The following ITGAL variants were observed in gnomAD, a reference collection of about 807,000 sequenced individuals.
ITGAL encodes integrin subunit alpha L.
A neutral mutation model predicts 138.4 loss-of-function variants in ITGAL; 68 were observed. That is an observed-to-expected ratio of 0.49 (90% CI 0.40 to 0.60). ITGAL has a LOEUF of 0.60. Among genes scored for constraint, ITGAL ranks in the 20% least tolerant of loss-of-function variants. The pLI, the probability that ITGAL is intolerant of heterozygous loss-of-function variation, is 0.00. For synonymous variants in ITGAL, 561 were observed against 584.3 expected (o/e 0.96, Z 0.57); for missense variants, 1,256 against 1,478.6 (o/e 0.85, Z 2.47).
In ITGAL at chr16:30,515,944, C is replaced by T. The variant is rs543961308; in HGVS notation, c.2863-1029C>T. ...CTGTGATCGTGCCATCGCACTCCAG[C>T]CTGGGTGACAGAGTGATATTCTGTC... On this transcript the variant is annotated intron_variant, in intron 25 of 30. Coordinates refer to ENST00000356798, the MANE Select transcript of ITGAL (RefSeq NM_002209.3). Among the ~76,000 whole-genome samples the T allele has an allele frequency of 9.2e-5, 14 of 151,608 alleles. No individual in the cohort carries two copies. The South Asian group carries it at 2.9e-3, about 32-fold the overall frequency.
chr16:30,519,184 T>C (rs1010321668), intron 29 of ITGAL, among the ~76,000 whole-genome samples: 9 of 151,874 alleles, frequency 5.9e-5, no homozygotes, highest in Admixed American at 5.3e-4. Flanking sequence ...GATCCCACCA[T>C]TGCACTCCAA....
rs2050851608 is a variant in ITGAL at position 30,499,401 on chromosome 16, G to T, written c.2057G>T (p.Gly686Val). Residue 686 changes from glycine (G) to valine (V), a missense_variant, in exon 17 of 31, where the codon GGG (glycine) becomes GTG (valine). Physicochemically the swap from Gly to Val is moderately radical, Grantham distance 109 (BLOSUM62 -3). Coordinates refer to ENST00000356798, the MANE Select transcript of ITGAL (RefSeq NM_002209.3). ...GATGGCCACCGGACCAGAAGACGGG[G>T]GTTGTTCCCAGGAGGGAGACATGAA... The part of the protein sequence containing the change: ...QLDGHRTRRR[G>V]LFPGGRHELR... 1.9e-6 allele frequency: 3 copies of T among 1,614,086 alleles called. No homozygotes were observed. The highest frequency in any genetic ancestry group is 1.3e-5 in the African/African-American group (1 of 75,036).
chr16:30,487,550 C>T (rs1248828477), intron 9 of ITGAL, among the ~76,000 whole-genome samples: 3 of 151,850 alleles, frequency 2.0e-5, no homozygotes, highest in Non-Finnish European at 4.4e-5. Context: ...GCTAGTAGTA[C>T]AGGCGCCTGC....
In ITGAL at chr16:30,518,686, C is replaced by T; in HGVS notation, c.3195C>T (p.Phe1065=). ...LSISFNSSKH[F]HLYGSNASLA... Reference sequence around the variant, plus strand: ...TCTCCTTCAACAGCAGCAAGCATTTCCACCTCTATGGCAGCAACGCCTCCC... The same window carrying T: ...TCTCCTTCAACAGCAGCAAGCATTTTCACCTCTATGGCAGCAACGCCTCCC... The change falls in exon 29 of 31, where the codon TTC becomes TTT. Residue 1065 remains phenylalanine, a synonymous_variant. Transcript: ENST00000356798. 1 of 1,614,004 alleles carries T rather than the reference C, an allele frequency of 6.2e-7. No homozygotes were observed. Among genetic ancestry groups the T allele is most frequent in the Non-Finnish European group, 8.5e-7 (1 of 1,179,892 alleles).
At chr16:30,513,867 G>A (rs1165451760) in intron 25 of ITGAL, 21 bp downstream of exon 25, 3 of 1,529,218 alleles carry the variant, frequency 2.0e-6, no homozygotes, top group African/African-American at 1.4e-5. Flanking sequence ...CAATGTGGAA[G>A]GTCCTTATAG....
chr16:30,519,374 C>A (rs1484358301), intron 29 of ITGAL, among the ~76,000 whole-genome samples: 1 of 151,326 alleles, frequency 6.6e-6, no homozygotes, highest in Non-Finnish European at 1.5e-5. Context: ...CACAGTGAGA[C>A]CTTATCTCAA....
intron 9 of ITGAL, among the ~76,000 whole-genome samples, chr16:30,484,874 T>G (rs1443060735): frequency 3.3e-5 from 5 of 149,978 alleles, no homozygotes; most frequent in Non-Finnish European, 5.9e-5. Context: ...AGCTGAGATG[T>G]GCCATTGCAC....
chr16:30,506,122 T>A (rs1396033707), intron 20 of ITGAL, among the ~76,000 whole-genome samples: 2 of 151,192 alleles, frequency 1.3e-5, no homozygotes, highest in Non-Finnish European at 2.9e-5. Context: ...TAGCCAGGCA[T>A]GGTGGCACGT....
chr16:30,483,676 G>A, intron 7 of ITGAL, 151 bp from the exon 8 acceptor site: 1 of 766,792 alleles, frequency 1.3e-6, no homozygotes, highest in Admixed American at 2.8e-5. Context: ...GAGGTTTAGA[G>A]GTGACTGCTG....
chr16:30,509,381 T>C (rs2051055077), intron 21 of ITGAL: 1 of 152,126 alleles, frequency 6.6e-6, no homozygotes, highest in South Asian at 2.1e-4. Flanking sequence ...TGAAGATGAA[T>C]GGTTTAATAA....
intron 29 of ITGAL, 130 bp from the exon 30 acceptor site, chr16:30,519,727 G>A: frequency 2.8e-6 from 2 of 706,878 alleles, no homozygotes; most frequent in East Asian, 5.0e-5. Flanking sequence ...AAAGGGAGAG[G>A]GTCTGCAGCT....
Position 30,499,460 on chromosome 16 carries a change from T to G in ITGAL, c.2116T>G (p.Ser706Ala). Residue 706 changes from serine (S) to alanine (A), a missense_variant, in exon 17 of 31, where the codon TCA becomes GCA. Coordinates refer to ENST00000356798, the MANE Select transcript of ITGAL (RefSeq NM_002209.3). Reference sequence around the variant, plus strand: ...GAATATAGCTGTCACCACCAGCATGTCATGCACTGACTTCTCATTTCATTT... The same window carrying G: ...GAATATAGCTGTCACCACCAGCATGGCATGCACTGACTTCTCATTTCATTT... Reference protein sequence around the residue: ...RRNIAVTTSMSCTDFSFHFPV... With the variant: ...RRNIAVTTSMACTDFSFHFPV... 6.2e-7 allele frequency: 1 copy of G among 1,613,866 alleles called. No individual in the cohort carries two copies. Among genetic ancestry groups the G allele is most frequent in the Non-Finnish European group, 8.5e-7 (1 of 1,179,998 alleles).
chr16:30,482,607 T>C (rs1004305975), intron 7 of ITGAL, among the ~76,000 whole-genome samples: 1 of 152,038 alleles, frequency 6.6e-6, no homozygotes, highest in Non-Finnish European at 1.5e-5. Flanking sequence ...TGAGAGACAA[T>C]GGTTGTATAA....
chr16:30,508,511 C>T (rs769131759), intron 21 of ITGAL, among the ~76,000 whole-genome samples: 6 of 152,196 alleles, frequency 3.9e-5, no homozygotes, highest in Non-Finnish European at 7.3e-5. Flanking sequence ...CTGCACCCAA[C>T]CGAATTATTC....
At chr16:30,490,324 G>A (rs2050708079) in intron 11 of ITGAL, among the ~76,000 whole-genome samples, 1 of 150,200 alleles carries the variant, frequency 6.7e-6, no homozygotes, top group African/African-American at 2.5e-5. Context: ...TACACAATAA[G>A]CCGATAGTTC....
intron 6 of ITGAL, 94 bp from the exon 7 acceptor site, chr16:30,481,345 T>TAAAA (rs57608894): frequency 1.3e-5 from 6 of 449,376 alleles, no homozygotes; most frequent in African/African-American, 6.6e-5. Context: ...AAACTCCATC[T>TAAAA]AAAAAAAAAA....
chr16:30,483,801 C>A, intron 7 of ITGAL, 26 bp from the exon 8 acceptor site: 1 of 1,590,570 alleles, frequency 6.3e-7, no homozygotes, highest in South Asian at 1.1e-5. Context: ...GGGGGAGTCT[C>A]TCATCTCCTC....
At chr16:30,510,323 T>G (rs2051071227) in intron 21 of ITGAL, 38 bp from the exon 22 acceptor site, 1 of 1,275,612 alleles carries the variant, frequency 7.8e-7, no homozygotes, top group Admixed American at 1.7e-5. Context: ...AACTTGGCCT[T>G]GCTCATTAAC....
intron 15 of ITGAL, among the ~76,000 whole-genome samples, chr16:30,497,976 G>T (rs1428804185): frequency 6.6e-6 from 1 of 151,314 alleles, no homozygotes; most frequent in Non-Finnish European, 1.5e-5. Context: ...CGGATGCAAT[G>T]ACTCATGCCT....
Sources: gnomAD v4.1 joint callset for allele counts (sites outside exome capture counted in the v4.1 genomes callset) on GRCh38, gnomAD v4.1.1 for gene constraint, MANE v1.5 for transcripts, NCBI Gene and HGNC (gene_info 2026-07-23, HGNC 2026-07-21) for gene names.